The following KHDC1 variants were observed in gnomAD, a reference collection of about 807,000 sequenced individuals.
KHDC1 encodes KH homology domain-containing protein 1.
Under a neutral mutation model 24.7 loss-of-function variants are expected in KHDC1, and 21 were observed. That is an observed-to-expected ratio of 0.85 (90% CI 0.60 to 1.23). The LOEUF (loss-of-function observed/expected upper bound fraction) is 1.23, where lower values mean the gene tolerates loss of function less well. Among genes scored for constraint, KHDC1 ranks in the 50% most tolerant of loss-of-function variants. KHDC1 has a pLI of 0.00. For missense variants in KHDC1, 274 were observed against 298.5 expected, an observed-to-expected ratio of 0.92 and a Z score of 0.61; for synonymous variants, 98 against 111.7, an observed-to-expected ratio of 0.88 and a Z score of 0.77.
At chr6:73,257,747 T>G (rs1281865378) in intron 2 of KHDC1, among the ~76,000 whole-genome samples, 2 of 151,994 alleles carry the variant, frequency 1.3e-5, no homozygotes, top group Admixed American at 1.3e-4. Flanking sequence ...GAGCAACTTG[T>G]GCTGTTTGAT....
rs143262563 is a variant in KHDC1 at position 73,300,247 on chromosome 6, C to G, written c.164-8207G>C. On this transcript the variant is annotated intron_variant, in intron 1 of 4. Transcript: ENST00000370384. ...AACCTTGGACTCCTCCTCCAGATTT[C>G]TCTCTCCTTCCTTCTCCTTGTCTCT... is the stretch of plus-strand genomic sequence containing the variant. The G allele has an allele frequency of 4.8e-3, 737 of 152,506 alleles. 11 individuals are homozygous for G. Among genetic ancestry groups the G allele is most frequent in the South Asian group, 0.046 (223 of 4,822 alleles). The allele number at this position is 152,506 out of a possible 1,614,324, so 9.4% of individuals were successfully genotyped here.
At chr6:73,253,563 AT>A (rs1215449992) in intron 2 of KHDC1, among the ~76,000 whole-genome samples, 6 of 151,712 alleles carry the variant, frequency 4.0e-5, no homozygotes, top group African/African-American at 9.7e-5. Flanking sequence ...AAAAAAAAAA[AT>A]AAATAAATAA....
intron 2 of KHDC1, among the ~76,000 whole-genome samples, chr6:73,291,757 G>A (rs780718905): frequency 1.3e-5 from 2 of 151,766 alleles, no homozygotes; most frequent in Non-Finnish European, 2.9e-5. Context: ...ATTAATCTTT[G>A]GGGGAAGGAT....
At chr6:73,288,428 C>A (rs1047036418) in intron 2 of KHDC1, among the ~76,000 whole-genome samples, 1 of 152,168 alleles carries the variant, frequency 6.6e-6, no homozygotes, top group African/African-American at 2.4e-5. Flanking sequence ...CAAGACCAGC[C>A]TGGGCAACAT....
exon 3 of KHDC1, chr6:73,242,422 C>T (rs1434818081): frequency 1.2e-6 from 2 of 1,614,090 alleles, no homozygotes; most frequent in Non-Finnish European, 1.7e-6. Context: ...TGAGCTCCTC[C>T]TGGTCCTCTT....
chr6:73,286,439 A>G (rs531139354), intron 2 of KHDC1, among the ~76,000 whole-genome samples: 2 of 152,352 alleles, frequency 1.3e-5, no homozygotes, highest in African/African-American at 2.4e-5. Flanking sequence ...TCCCTCATTT[A>G]TACCTGAGAT....
At chr6:73,309,354 C>T (rs1768036362) in intron 1 of KHDC1, among the ~76,000 whole-genome samples, 1 of 152,202 alleles carries the variant, frequency 6.6e-6, no homozygotes, top group African/African-American at 2.4e-5. Context: ...TCTTCCTTCC[C>T]AACCACATCT....
chr6:73,307,878 G>T (rs183275393), intron 1 of KHDC1, among the ~76,000 whole-genome samples: 45 of 152,102 alleles, frequency 3.0e-4, no homozygotes, highest in African/African-American at 1.1e-3. Flanking sequence ...GTGGATGTGG[G>T]GTAGGCGACA....
intron 2 of KHDC1, among the ~76,000 whole-genome samples, chr6:73,250,404 A>G (rs886850858): frequency 2.0e-5 from 3 of 152,220 alleles, no homozygotes; most frequent in African/African-American, 7.2e-5. Flanking sequence ...ACAAAAAAGA[A>G]CTTGTCTATT....
At chr6:73,262,195 T>C (rs796108806) in intron 2 of KHDC1, among the ~76,000 whole-genome samples, 7 of 152,370 alleles carry the variant, frequency 4.6e-5, no homozygotes, top group African/African-American at 1.7e-4. Context: ...CTTGCCTTCT[T>C]TGTAAACCAG....
At chr6:73,273,393 C>T (rs949964828) in intron 2 of KHDC1, among the ~76,000 whole-genome samples, 5 of 151,996 alleles carry the variant, frequency 3.3e-5, no homozygotes, top group Admixed American at 3.3e-4. Context: ...GTCTCGAACT[C>T]CTGACCTGAA....
intron 2 of KHDC1, among the ~76,000 whole-genome samples, chr6:73,265,317 G>C (rs1422713857): frequency 6.6e-6 from 1 of 152,114 alleles, no homozygotes; most frequent in Admixed American, 6.6e-5. Flanking sequence ...ACTGCCTGAG[G>C]TCGGGAGTTT....
intron 2 of KHDC1, among the ~76,000 whole-genome samples, chr6:73,251,547 A>G (rs1034834308): frequency 5.3e-5 from 8 of 152,218 alleles, no homozygotes; most frequent in Non-Finnish European, 1.2e-4. Context: ...CTAATGCATA[A>G]AAAGTTTCAG....
intron 2 of KHDC1, chr6:73,262,979 G>C: frequency 1.0e-6 from 1 of 999,926 alleles, no homozygotes. Flanking sequence ...GCTGGGCTTT[G>C]ACGGTAGGAA....
rs553491077 is a variant in KHDC1 at position 73,271,976 on chromosome 6, A to G, written c.206+20022T>C. Among the ~76,000 whole-genome samples the G allele has an allele frequency of 1.1e-4, 16 of 151,414 alleles. 1 individual carries two copies. The East Asian group carries it at 3.0e-3, about 28-fold the overall frequency. On this transcript the variant is annotated intron_variant, in intron 2 of 4. Transcript: ENST00000370384. ...TTGGTACATATGGATGTGGACTGAA[A>G]AATCAACTCTTTATAGTGTAATCCC...
chr6:73,253,163 C>A (rs549379697), intron 2 of KHDC1, among the ~76,000 whole-genome samples: 1 of 152,286 alleles, frequency 6.6e-6, no homozygotes, highest in South Asian at 2.1e-4. Context: ...AATACACCCA[C>A]ATATATGCAT....
intron 2 of KHDC1, among the ~76,000 whole-genome samples, chr6:73,278,559 GTTTTAC>G (rs1767345315): frequency 6.6e-6 from 1 of 151,908 alleles, no homozygotes; most frequent in African/African-American, 2.4e-5. Flanking sequence ...TTTTCATTTG[GTTTTAC>G]TTTTATTTAT....
chr6:73,263,269 T>G (rs1767020161), intron 2 of KHDC1, 73 bp from the exon 1 acceptor site: 44 of 985,410 alleles, frequency 4.5e-5, no homozygotes, highest in Non-Finnish European at 5.3e-5. Context: ...GCCTGCTCTG[T>G]GTAGGAGACA....
intron 2 of KHDC1, among the ~76,000 whole-genome samples, chr6:73,252,154 T>C (rs1582554249): frequency 6.6e-6 from 1 of 151,404 alleles, no homozygotes; most frequent in East Asian, 2.0e-4. Context: ...ACAATTCCCA[T>C]GCCTCAGCTT....
Sources: gnomAD v4.1 joint callset for allele counts (sites outside exome capture counted in the v4.1 genomes callset) on GRCh38, gnomAD v4.1.1 for gene constraint, MANE v1.5 for transcripts, NCBI Gene and HGNC (gene_info 2026-07-23, HGNC 2026-07-21) for gene names.